TENM2: variants seen among roughly 807,000 people sequenced by gnomAD.
TENM2 encodes teneurin-2.
In TENM2, 52 loss-of-function variants were observed where a neutral mutation model predicts 245.2. The observed-to-expected ratio is 0.21, with a 90% CI of 0.17 to 0.27. The LOEUF is 0.27. Ranked by LOEUF, TENM2 falls within the 10% of genes least tolerant of loss-of-function variation. The pLI is 1.00. For synonymous variants in TENM2, 1,363 were observed against 1,438.9 expected, an observed-to-expected ratio of 0.95 and a Z score of 1.19; for missense variants, 3,046 against 3,666.8, an observed-to-expected ratio of 0.83 and a Z score of 4.37.
At chr5:167,557,821 A>G (rs1217637124) in intron 2 of TENM2, among the ~76,000 whole-genome samples, 2 of 152,114 alleles carry the variant, frequency 1.3e-5, no homozygotes, top group Admixed American at 6.5e-5. Context: ...CACAAGAGAG[A>G]ATTATCTGGC....
chr5:168,195,211 C>T (rs1277937107), exon 15 of TENM2: 1 of 1,608,278 alleles, frequency 6.2e-7, no homozygotes, highest in Admixed American at 1.7e-5. Flanking sequence ...GTAGTAACTA[C>T]AGATGGAACT....
the TENM2 span, among the ~76,000 whole-genome samples, chr5:167,146,638 A>G: frequency 2.0e-5 from 3 of 152,308 alleles, no homozygotes; most frequent in East Asian, 5.8e-4. Flanking sequence ...ATAAATATCA[A>G]CAGAGTCCAG....
At chr5:167,858,993 C>T (rs1771371915) in intron 2 of TENM2, among the ~76,000 whole-genome samples, 2 of 148,650 alleles carry the variant, frequency 1.3e-5, no homozygotes, top group South Asian at 4.3e-4. Context: ...GTGAGGAGCC[C>T]CTCTGCCTGG....
chr5:167,661,466 G>C (rs987428676), intron 2 of TENM2, among the ~76,000 whole-genome samples: 1 of 152,158 alleles, frequency 6.6e-6, no homozygotes, highest in Admixed American at 6.5e-5. Context: ...TTAGCACCTG[G>C]AAAATAGTAA....
At chr5:168,096,793 C>T (rs2569038) in intron 8 of TENM2, among the ~76,000 whole-genome samples, 1,982 of 152,316 alleles carry the variant, frequency 0.013, 40 homozygotes, top group African/African-American at 0.041. Context: ...GTGGCTTATA[C>T]TTTCCTTTTC....
At chr5:168,027,885 C>T (rs146274929) in intron 5 of TENM2, among the ~76,000 whole-genome samples, 13 of 152,274 alleles carry the variant, frequency 8.5e-5, no homozygotes, top group Middle Eastern at 3.4e-3. Flanking sequence ...ATAGGTACTA[C>T]GGCAGATTTA....
intron 2 of TENM2, among the ~76,000 whole-genome samples, chr5:167,513,616 C>A (rs1448368908): frequency 6.6e-6 from 1 of 152,154 alleles, no homozygotes; most frequent in Non-Finnish European, 1.5e-5. Flanking sequence ...CACTTTAGAG[C>A]AGGTGCGCTT....
chr5:167,061,138 C>G, the TENM2 span, among the ~76,000 whole-genome samples: 1 of 152,078 alleles, frequency 6.6e-6, no homozygotes, highest in South Asian at 2.1e-4. Flanking sequence ...ACGCACCCCC[C>G]ACACACGCAC....
chr5:168,203,865 C>G (rs773319618), intron 18 of TENM2, 33 bp downstream of exon 20: 277 of 1,563,874 alleles, frequency 1.8e-4, no homozygotes, highest in Non-Finnish European at 2.2e-4. Flanking sequence ...CCAAATACAG[C>G]CTTGCCACTT....
chr5:167,353,620 G>A (rs1473599670), intron 1 of TENM2, among the ~76,000 whole-genome samples: 2 of 141,510 alleles, frequency 1.4e-5, no homozygotes, highest in East Asian at 2.3e-4. Flanking sequence ...CCATTCTCCT[G>A]CCTCAGCCTC....
chr5:167,031,072 C>T, the TENM2 span, among the ~76,000 whole-genome samples: 1 of 152,094 alleles, frequency 6.6e-6, no homozygotes, highest in African/African-American at 2.4e-5. Context: ...CCGCGTCTTC[C>T]GAGAAGCAGT....
chr5:168,031,634 G>T (rs910016743), intron 5 of TENM2, among the ~76,000 whole-genome samples: 3 of 143,290 alleles, frequency 2.1e-5, no homozygotes, highest in African/African-American at 7.6e-5. Flanking sequence ...GAGTAAGGGA[G>T]AGAGAGAGGG....
At chr5:167,948,125 G>T (rs1045087565) in intron 3 of TENM2, among the ~76,000 whole-genome samples, 2 of 152,158 alleles carry the variant, frequency 1.3e-5, no homozygotes, top group African/African-American at 4.8e-5. Context: ...TTTAAAACGT[G>T]GGCATTGATT....
the TENM2 span, among the ~76,000 whole-genome samples, chr5:167,149,745 A>G: frequency 6.6e-6 from 1 of 152,094 alleles, no homozygotes; most frequent in East Asian, 1.9e-4. Flanking sequence ...AATCTTCCTT[A>G]TCTCTCCTTC....
At chr5:167,035,758 A>C in the TENM2 span, among the ~76,000 whole-genome samples, 1 of 152,174 alleles carries the variant, frequency 6.6e-6, no homozygotes. Context: ...TTATTTATTT[A>C]AGACACAGTT....
At chr5:167,784,863 T>C (rs961127861) in intron 2 of TENM2, among the ~76,000 whole-genome samples, 18 of 152,230 alleles carry the variant, frequency 1.2e-4, no homozygotes, top group African/African-American at 4.1e-4. Flanking sequence ...CAATTTAAGG[T>C]AGAGAATCAA....
At chr5:167,502,157 G>A (rs1272515685) in intron 2 of TENM2, among the ~76,000 whole-genome samples, 1 of 152,128 alleles carries the variant, frequency 6.6e-6, no homozygotes, top group Non-Finnish European at 1.5e-5. Context: ...ACTCAAGACG[G>A]GATAGAGTTT....
chr5:167,616,734 G>A (rs1258235058), intron 2 of TENM2, among the ~76,000 whole-genome samples: 1 of 152,060 alleles, frequency 6.6e-6, no homozygotes, highest in African/African-American at 2.4e-5. Context: ...GAAACAAACA[G>A]TGTAATTGTG....
intron 2 of TENM2, among the ~76,000 whole-genome samples, chr5:167,391,270 T>G (rs1761737074): frequency 6.6e-6 from 1 of 152,070 alleles, no homozygotes; most frequent in African/African-American, 2.4e-5. Flanking sequence ...TTGAGATGAA[T>G]TTTGGAGCTA....
Sources: allele counts gnomAD v4.1 joint callset (sites outside exome capture counted in the v4.1 genomes callset), GRCh38; gene constraint gnomAD v4.1.1; transcripts MANE v1.5; gene names NCBI Gene and HGNC (gene_info 2026-07-23, HGNC 2026-07-21).